The following ENOX1 variants were observed in gnomAD, a reference collection of about 807,000 sequenced individuals.
The protein encoded by ENOX1 is ecto-NOX disulfide-thiol exchanger 1, also known as candidate growth-related and time keeping constitutive hydroquinone (NADH) oxidase.
Under a neutral mutation model 82.5 loss-of-function variants are expected in ENOX1, and 42 were observed. The observed-to-expected ratio is 0.51, with a 90% CI of 0.40 to 0.66. ENOX1 has a LOEUF of 0.66. ENOX1 is among the 30% of genes least tolerant of loss of function. The pLI, the probability that ENOX1 is intolerant of heterozygous loss-of-function variation, is 0.00. For synonymous variants in ENOX1, 271 were observed against 282.2 expected (o/e 0.96, Z 0.40); for missense variants, 608 against 811.6 (o/e 0.75, Z 3.05).
At chr13:43,396,666 C>A (rs2053172574) in intron 5 of ENOX1, among the ~76,000 whole-genome samples, 1 of 152,164 alleles carries the variant, frequency 6.6e-6, no homozygotes, top group South Asian at 2.1e-4. Flanking sequence ...CAGGCATGAG[C>A]CACCAGTCCC....
chr13:43,513,193 C>T (rs956824756), intron 2 of ENOX1, among the ~76,000 whole-genome samples: 2 of 152,028 alleles, frequency 1.3e-5, no homozygotes, highest in Admixed American at 1.3e-4. Flanking sequence ...TTTCTAATCC[C>T]AGCTACTAGG....
chr13:43,378,611 T>C (rs924864636), intron 5 of ENOX1, among the ~76,000 whole-genome samples: 1 of 152,190 alleles, frequency 6.6e-6, no homozygotes, highest in Non-Finnish European at 1.5e-5. Flanking sequence ...AGGACAAAAC[T>C]AGCCCTAGAC....
chr13:43,616,117 G>T (rs11618625), intron 2 of ENOX1, among the ~76,000 whole-genome samples: 1,166 of 14,534 alleles, frequency 0.08, 136 homozygotes, highest in Middle Eastern at 0.31. Flanking sequence ...GATATCTATA[G>T]ATCTATAGAT....
intron 16 of ENOX1, among the ~76,000 whole-genome samples, chr13:43,215,140 T>C (rs1243709821): frequency 1.3e-5 from 2 of 152,094 alleles, no homozygotes; most frequent in Non-Finnish European, 1.5e-5. Flanking sequence ...CATTTTAGAG[T>C]CTACACTTTC....
chr13:43,682,233 T>G (rs1702223443), intron 1 of ENOX1, among the ~76,000 whole-genome samples: 1 of 152,152 alleles, frequency 6.6e-6, no homozygotes, highest in African/African-American at 2.4e-5. Context: ...GGTAGCTATC[T>G]TCTCTTCCAT....
chr13:43,739,281 C>G (rs2153825848), intron 1 of ENOX1, among the ~76,000 whole-genome samples: 1 of 152,230 alleles, frequency 6.6e-6, no homozygotes, highest in Non-Finnish European at 1.5e-5. Flanking sequence ...GGTGTGGTGG[C>G]TCACACCTGT....
intron 11 of ENOX1, among the ~76,000 whole-genome samples, chr13:43,313,146 T>C (rs1278683145): frequency 6.6e-6 from 1 of 152,170 alleles, no homozygotes; most frequent in East Asian, 1.9e-4. Flanking sequence ...CTCTAGGCTT[T>C]CCACTTACGA....
chr13:43,712,928 G>A (rs965460943), intron 1 of ENOX1, among the ~76,000 whole-genome samples: 32 of 152,090 alleles, frequency 2.1e-4, no homozygotes, highest in African/African-American at 6.8e-4. Context: ...TAACTGCCCT[G>A]GCCAGAACTT....
chr13:43,550,989 C>T (rs1002135296), intron 2 of ENOX1, among the ~76,000 whole-genome samples: 1 of 152,156 alleles, frequency 6.6e-6, no homozygotes, highest in Non-Finnish European at 1.5e-5. Context: ...ACCCTGGTGT[C>T]ATTGTGCTTT....
intron 2 of ENOX1, among the ~76,000 whole-genome samples, chr13:43,597,019 G>C (rs1381073625): frequency 2.6e-5 from 4 of 152,184 alleles, no homozygotes; most frequent in Non-Finnish European, 5.9e-5. Flanking sequence ...TTAACAGGAA[G>C]CATGGCTGGG....
chr13:43,442,150 C>T (rs963842366), intron 3 of ENOX1, among the ~76,000 whole-genome samples: 2 of 152,110 alleles, frequency 1.3e-5, no homozygotes, highest in African/African-American at 2.4e-5. Flanking sequence ...TCTTCACAGC[C>T]CCCAGATTAG....
intron 1 of ENOX1, among the ~76,000 whole-genome samples, chr13:43,737,282 T>C (rs1266114650): frequency 1.3e-5 from 2 of 152,172 alleles, no homozygotes; most frequent in Non-Finnish European, 2.9e-5. Context: ...TGAATATGAA[T>C]AGAGGTGTCA....
At position 43,786,550 on chromosome 13, in the gene ENOX1, C is replaced by T. The variant is rs1952641669; in HGVS notation, c.-285+102G>A. ...ACTCCCCTCCCCCCTCGCCCACTCC[C>T]CTCTCAGTCTAGATCCAGGTGCCGT... On this transcript the variant is annotated intron_variant, in intron 1 of 16. Transcript: ENST00000690772. This position sits in a 1 kb window ranked among gnomAD's most constrained non-coding sequence, Gnocchi z 6.0. 1 of 152,550 alleles carries T rather than the reference C, an allele frequency of 6.6e-6. No homozygotes were observed. Among genetic ancestry groups the T allele is most frequent in the Non-Finnish European group, 1.5e-5 (1 of 68,420 alleles). The allele number at this position is 152,550 out of a possible 1,614,324, so 9.4% of individuals were successfully genotyped here.
intron 2 of ENOX1, among the ~76,000 whole-genome samples, chr13:43,553,789 C>T (rs2079312995): frequency 6.6e-6 from 1 of 152,160 alleles, no homozygotes; most frequent in East Asian, 1.9e-4. Flanking sequence ...CTTTTGTTGC[C>T]CAGGCTGGAG....
chr13:43,674,683 C>G (rs1354703770), intron 1 of ENOX1, among the ~76,000 whole-genome samples: 1 of 152,066 alleles, frequency 6.6e-6, no homozygotes, highest in African/African-American at 2.4e-5. Flanking sequence ...TACGTTTATC[C>G]AAACCCATAG....
intron 1 of ENOX1, among the ~76,000 whole-genome samples, chr13:43,723,085 T>C (rs1348614957): frequency 6.6e-6 from 1 of 152,198 alleles, no homozygotes; most frequent in Non-Finnish European, 1.5e-5. Flanking sequence ...CTAGGGGCTC[T>C]AGAGCTCTCT....
At chr13:43,505,131 G>A (rs899357983) in intron 2 of ENOX1, among the ~76,000 whole-genome samples, 2 of 151,760 alleles carry the variant, frequency 1.3e-5, no homozygotes, top group Non-Finnish European at 2.9e-5. Context: ...AAAGAGACAT[G>A]AGATTTATAC....
chr13:43,663,979 G>C (rs940354495), intron 2 of ENOX1, among the ~76,000 whole-genome samples: 1 of 152,174 alleles, frequency 6.6e-6, no homozygotes, highest in Non-Finnish European at 1.5e-5. Context: ...ATCAGAGGGA[G>C]AGGCAGAAGA....
At chr13:43,366,688 G>C (rs2050872558) in intron 5 of ENOX1, among the ~76,000 whole-genome samples, 1 of 152,094 alleles carries the variant, frequency 6.6e-6, no homozygotes, top group Admixed American at 6.6e-5. Context: ...GAACACCTGG[G>C]TGAAGGCAGT....
Sources: gnomAD v4.1 joint callset for allele counts (sites outside exome capture counted in the v4.1 genomes callset) on GRCh38, gnomAD v4.1.1 for gene constraint, Gnocchi (gnomAD v3.1) non-coding constraint, MANE v1.5 for transcripts, NCBI Gene and HGNC (gene_info 2026-07-23, HGNC 2026-07-21) for gene names.